PROM1: variants seen among roughly 807,000 people sequenced by gnomAD.
The protein encoded by PROM1 is prominin 1, also known as prominin-1.
A neutral mutation model predicts 116.9 loss-of-function variants in PROM1; 105 were observed. That is an observed-to-expected ratio of 0.90 (90% CI 0.77 to 1.06). PROM1 has a LOEUF of 1.06. Ranked by LOEUF, PROM1 falls within the 50% of genes least tolerant of loss-of-function variation. The pLI is 0.00. For missense variants in PROM1, 1,122 were observed against 1,045.2 expected (o/e 1.07, Z -1.01); for synonymous variants, 393 against 387.0 (o/e 1.02, Z -0.18).
At position 16,075,669 on chromosome 4, in the gene PROM1, C is replaced by T. The variant is rs1189730320; in HGVS notation, c.220+18G>A. ...CGTTTGGAGATAAATCCTATCTTTCCCTGCCATCAGCACTTACCTTCTGGG... is the reference window on the plus strand; with the variant it reads ...CGTTTGGAGATAAATCCTATCTTTCTCTGCCATCAGCACTTACCTTCTGGG... On this transcript the variant is annotated intron_variant, in intron 2 of 27. Coordinates refer to ENST00000447510, the MANE Select transcript of PROM1 (RefSeq NM_006017.3). 8 of 1,595,204 alleles carry T rather than the reference C, an allele frequency of 5.0e-6. No homozygotes were observed. In the South Asian group the frequency reaches 6.8e-5, roughly 14 times the overall value.
At chr4:15,971,227 T>C in intron 26 of PROM1, 145 bp from the exon 27 acceptor site, 1 of 623,128 alleles carries the variant, frequency 1.6e-6, no homozygotes, top group Non-Finnish European at 2.7e-6. Context: ...GAAGAATGTG[T>C]CAGACAAAAC....
At position 15,981,111 on chromosome 4, in the gene PROM1, G is replaced by A. The variant is rs1377384707; in HGVS notation, c.2374-574C>T. On this transcript the variant is annotated intron_variant, in intron 23 of 27. Transcript: ENST00000447510. ...TGAGTAGCTGGGGCTACAGGCGTCC[G>A]CCACCACGCCTGGCTGATTTTTTGT... Among the ~76,000 whole-genome samples, 7 of 151,250 alleles carry A rather than the reference G, an allele frequency of 4.6e-5. No individual in the cohort carries two copies. The East Asian group carries it at 1.2e-3, about 26-fold the overall frequency.
intron 13 of PROM1, among the ~76,000 whole-genome samples, chr4:16,005,342 C>G (rs1384995340): frequency 5.3e-5 from 8 of 152,086 alleles, no homozygotes; most frequent in Non-Finnish European, 5.9e-5. Flanking sequence ...CCTGGTAGAC[C>G]TCAGGTCATT....
At chr4:16,024,413 A>G (rs548955898) in intron 6 of PROM1, 55 bp from the exon 7 acceptor site, 15 of 1,417,644 alleles carry the variant, frequency 1.1e-5, no homozygotes, top group Non-Finnish European at 1.5e-5. Context: ...AGGCAATAAG[A>G]GGGCAAAAAG....
chr4:15,979,496 T>C (rs748786197), intron 25 of PROM1, 33 bp from the exon 26 acceptor site: 12 of 1,586,712 alleles, frequency 7.6e-6, no homozygotes, highest in East Asian at 2.3e-5. Flanking sequence ...AAAAACACCA[T>C]GTTATCTCTA....
At chr4:15,994,965 G>T (rs1012772419) in intron 15 of PROM1, among the ~76,000 whole-genome samples, 7 of 152,234 alleles carry the variant, frequency 4.6e-5, no homozygotes, top group Non-Finnish European at 7.3e-5. Flanking sequence ...GAATCACAAG[G>T]AGCTAGCATG....
intron 23 of PROM1, among the ~76,000 whole-genome samples, chr4:15,983,926 A>T (rs548451080): frequency 3.9e-5 from 6 of 152,304 alleles, no homozygotes; most frequent in African/African-American, 1.4e-4. Flanking sequence ...AATTTGATGC[A>T]ACTTTGGGGT....
chr4:15,983,975 G>A (rs1026413310), intron 23 of PROM1, among the ~76,000 whole-genome samples: 9 of 152,150 alleles, frequency 5.9e-5, no homozygotes, highest in Non-Finnish European at 1.3e-4. Flanking sequence ...TTGAAGATGA[G>A]AAATCTGCAC....
intron 22 of PROM1, 185 bp downstream of exon 22, chr4:15,985,575 G>A: frequency 3.3e-6 from 2 of 607,024 alleles, no homozygotes; most frequent in South Asian, 4.0e-5. Flanking sequence ...AAGGGGACCA[G>A]GAGGTGGCTG....
chr4:15,994,384 TC>T (rs1490560485), intron 15 of PROM1, among the ~76,000 whole-genome samples: 1 of 152,238 alleles, frequency 6.6e-6, no homozygotes, highest in Admixed American at 6.5e-5. Context: ...AAATAAATTC[TC>T]ATTAAAAAGA....
chr4:16,007,403 A>G (rs1725798512), intron 12 of PROM1, among the ~76,000 whole-genome samples: 1 of 152,252 alleles, frequency 6.6e-6, no homozygotes, highest in African/African-American at 2.4e-5. Flanking sequence ...GAGGCATTCA[A>G]GGGTAGTAAT....
chr4:16,076,941 C>G (rs1744073161), intron 1 of PROM1, among the ~76,000 whole-genome samples: 2 of 152,264 alleles, frequency 1.3e-5, no homozygotes, highest in Admixed American at 1.3e-4. Flanking sequence ...CCCAGGGACA[C>G]AAACATTGCG....
intron 24 of PROM1, chr4:15,980,178 A>C: frequency 1.6e-6 from 1 of 612,708 alleles, no homozygotes; most frequent in Admixed American, 3.2e-5. Flanking sequence ...GCAAACAAGA[A>C]ATAAAAAGGC....
At chr4:16,083,849 C>T (rs1034840403) in intron 1 of PROM1, 129 bp downstream of exon 1, 1 of 152,212 alleles carries the variant, frequency 6.6e-6, no homozygotes, top group African/African-American at 2.4e-5. Context: ...GCGGCCGGAC[C>T]CTCGGACGTG....
intron 23 of PROM1, 149 bp from the exon 24 acceptor site, chr4:15,980,686 T>C (rs375216918): frequency 3.1e-6 from 2 of 637,008 alleles, no homozygotes; most frequent in Non-Finnish European, 5.4e-6. Context: ...GAGAATGTCA[T>C]GTGGACCAGG....
At chr4:15,984,625 G>A (rs1266051588) in intron 22 of PROM1, among the ~76,000 whole-genome samples, 3 of 152,086 alleles carry the variant, frequency 2.0e-5, no homozygotes, top group Non-Finnish European at 4.4e-5. Context: ...TTATGTTACT[G>A]CCTGAGCTCC....
At chr4:16,006,292 T>C (rs1725453374) in intron 13 of PROM1, among the ~76,000 whole-genome samples, 2 of 152,256 alleles carry the variant, frequency 1.3e-5, no homozygotes, top group Non-Finnish European at 2.9e-5. Context: ...TAAGCTGGTC[T>C]ATCAAAATGC....
Position 16,016,201 on chromosome 4 carries a change from C to T in PROM1, c.1042G>A (p.Val348Ile), listed in dbSNP as rs542468979. 1.9e-5 allele frequency: 29 copies of T among 1,554,442 alleles called. No individual in the cohort carries two copies. The South Asian group carries it at 2.1e-4, about 11-fold the overall frequency. The change falls in exon 10 of 28, where the codon GTT becomes ATT. Residue 348 changes from valine (V) to isoleucine (I), a missense_variant. Coordinates refer to ENST00000447510, the MANE Select transcript of PROM1 (RefSeq NM_006017.3). ...AGGCCATCCAAATCTGTCCTAAGAA[C>T]GTTATTAACGTTGTCAAGTTCTGCA... The part of the protein sequence containing the change: ...VDAELDNVNN[V>I]LRTDLDGLVQ...
intron 2 of PROM1, among the ~76,000 whole-genome samples, chr4:16,073,219 T>C (rs1000454201): frequency 1.8e-4 from 28 of 152,172 alleles, no homozygotes; most frequent in Admixed American, 1.3e-4. Context: ...TATGGGAGAA[T>C]AGCTTCTATG....
Sources: allele counts gnomAD v4.1 joint callset (sites outside exome capture counted in the v4.1 genomes callset), GRCh38; gene constraint gnomAD v4.1.1; transcripts MANE v1.5; gene names NCBI Gene and HGNC (gene_info 2026-07-23, HGNC 2026-07-21).